The following DOCK3 variants were observed in gnomAD, a reference collection of about 807,000 sequenced individuals.
DOCK3 encodes dedicator of cytokinesis 3, also known as dedicator of cytokinesis protein 3.
A neutral mutation model predicts 265.6 loss-of-function variants in DOCK3; 60 were observed. The observed-to-expected ratio is 0.23, with a 90% CI of 0.18 to 0.28. DOCK3 has a LOEUF of 0.28. DOCK3 is among the 10% of genes least tolerant of loss of function. DOCK3 has a pLI of 1.00. For missense variants in DOCK3, 1,981 were observed against 2,594.3 expected, an observed-to-expected ratio of 0.76 and a Z score of 5.14; for synonymous variants, 881 against 938.0, an observed-to-expected ratio of 0.94 and a Z score of 1.11.
At chr3:51,182,431 G>T (rs2087353928) in intron 12 of DOCK3, among the ~76,000 whole-genome samples, 1 of 152,082 alleles carries the variant, frequency 6.6e-6, no homozygotes, top group Non-Finnish European at 1.5e-5. Context: ...TATTCCCTGG[G>T]GGTTTCCATC....
At chr3:51,250,288 TAAAA>T (rs1166026699) in intron 22 of DOCK3, among the ~76,000 whole-genome samples, 1 of 31,662 alleles carries the variant, frequency 3.2e-5, no homozygotes, top group Non-Finnish European at 9.2e-5. Context: ...AAAAAAAAAT[TAAAA>T]AAAATAATAA....
intron 5 of DOCK3, among the ~76,000 whole-genome samples, chr3:51,054,080 T>C (rs552919080): frequency 1.2e-4 from 17 of 139,436 alleles, no homozygotes; most frequent in Middle Eastern, 3.5e-3. Flanking sequence ...TAATTCTTGG[T>C]AAACTTCCTC....
At chr3:50,870,491 C>T (rs1279193193) in intron 3 of DOCK3, among the ~76,000 whole-genome samples, 2 of 152,024 alleles carry the variant, frequency 1.3e-5, no homozygotes, top group African/African-American at 2.4e-5. Flanking sequence ...TTTTAGTCCA[C>T]ATGTGCCTTT....
intron 9 of DOCK3, among the ~76,000 whole-genome samples, chr3:51,123,526 T>C (rs1245310967): frequency 6.6e-6 from 1 of 152,190 alleles, no homozygotes; most frequent in African/African-American, 2.4e-5. Context: ...TAAGGATACA[T>C]AGCTGGATCA....
chr3:51,241,668 G>A (rs1403025180), intron 21 of DOCK3, among the ~76,000 whole-genome samples: 2 of 152,034 alleles, frequency 1.3e-5, no homozygotes, highest in Non-Finnish European at 2.9e-5. Flanking sequence ...ATTTCAGAAG[G>A]CCAGTCTTCA....
At chr3:51,025,741 C>T (rs1205217083) in intron 5 of DOCK3, among the ~76,000 whole-genome samples, 1 of 152,200 alleles carries the variant, frequency 6.6e-6, no homozygotes, top group Non-Finnish European at 1.5e-5. Context: ...AGTCAGGAAT[C>T]ACTTCCCTTG....
At chr3:50,928,583 T>C (rs2050895944) in intron 4 of DOCK3, among the ~76,000 whole-genome samples, 1 of 152,240 alleles carries the variant, frequency 6.6e-6, no homozygotes, top group African/African-American at 2.4e-5. Flanking sequence ...AGTTTTCGTT[T>C]GCAAGTTTCC....
At chr3:50,677,445 C>G (rs902938521) in intron 1 of DOCK3, among the ~76,000 whole-genome samples, 5 of 152,154 alleles carry the variant, frequency 3.3e-5, no homozygotes, top group African/African-American at 1.2e-4. Context: ...GGCATTTTTG[C>G]TGCATCATTT....
At chr3:50,703,204 T>C (rs2036165286) in intron 1 of DOCK3, among the ~76,000 whole-genome samples, 1 of 152,232 alleles carries the variant, frequency 6.6e-6, no homozygotes, top group Non-Finnish European at 1.5e-5. Flanking sequence ...CACTTGATCA[T>C]GGTGTGTTAT....
intron 5 of DOCK3, among the ~76,000 whole-genome samples, chr3:50,961,379 G>C (rs2076881674): frequency 6.6e-6 from 1 of 152,166 alleles, no homozygotes. Context: ...AATGCAGTGA[G>C]AGGAATAGGA....
chr3:51,361,822 G>T lies in DOCK3; in HGVS notation c.5007-37G>T. The T allele has an allele frequency of 1.2e-6, 2 of 1,602,664 alleles. No individual in the cohort carries two copies. Among genetic ancestry groups the T allele is most frequent in the Non-Finnish European group, 1.7e-6 (2 of 1,174,158 alleles). ...TACTGTCCCCCTGCCACCTGCCATG[G>T]GCCTGACTCCTCCCTATTTCCCACT... On this transcript the variant is annotated intron_variant, in intron 47 of 52. Transcript: ENST00000266037. The surrounding 1 kb of genome is among the most constrained non-coding windows in gnomAD (Gnocchi z 4.2).
chr3:51,171,038 C>G (rs1029108783), intron 12 of DOCK3, among the ~76,000 whole-genome samples: 4 of 151,538 alleles, frequency 2.6e-5, no homozygotes, highest in Admixed American at 2.0e-4. Flanking sequence ...TTTCTCGTCT[C>G]TATTTCATTT....
intron 38 of DOCK3, among the ~76,000 whole-genome samples, chr3:51,343,868 T>C (rs1386746405): frequency 6.6e-6 from 1 of 152,198 alleles, no homozygotes; most frequent in Non-Finnish European, 1.5e-5. Context: ...TCTCCTGTAG[T>C]GAGGTGGTTC....
chr3:51,016,853 CATATATAAATATATATGATATATGTTTAT>C (rs1559946100), intron 5 of DOCK3, among the ~76,000 whole-genome samples: 3 of 1,836 alleles, frequency 1.6e-3, no homozygotes, highest in Admixed American at 7.6e-3. Context: ...TTATATATAT[CATATATAAATATATATGATATATGTTTAT>C]ATATATAAAT....
At chr3:50,919,470 A>G (rs979568192) in intron 4 of DOCK3, among the ~76,000 whole-genome samples, 1 of 152,140 alleles carries the variant, frequency 6.6e-6, no homozygotes, top group African/African-American at 2.4e-5. Context: ...GGTCCTTCAC[A>G]TCCCTTGTAA....
intron 5 of DOCK3, among the ~76,000 whole-genome samples, chr3:51,028,219 T>G (rs1282372857): frequency 6.6e-6 from 1 of 152,214 alleles, no homozygotes; most frequent in African/African-American, 2.4e-5. Flanking sequence ...TTGGCTGGCA[T>G]GTTTTTTCTT....
At chr3:51,135,129 C>T (rs1443973901) in intron 9 of DOCK3, among the ~76,000 whole-genome samples, 1 of 152,174 alleles carries the variant, frequency 6.6e-6, no homozygotes, top group Non-Finnish European at 1.5e-5. Context: ...TTTCTGTTCA[C>T]GTATGTGTTC....
intron 2 of DOCK3, among the ~76,000 whole-genome samples, chr3:50,831,190 TTTA>T (rs1559697303): frequency 7.8e-6 from 1 of 127,458 alleles, no homozygotes; most frequent in African/African-American, 2.9e-5. Context: ...ACCTGTTTTA[TTTA>T]TTTATTTATT....
At chr3:50,698,551 C>T (rs2035823014) in intron 1 of DOCK3, among the ~76,000 whole-genome samples, 1 of 8,600 alleles carries the variant, frequency 1.2e-4, no homozygotes, top group African/African-American at 2.0e-4. Context: ...TTGCTATATA[C>T]CCAGGTGTGG....
Sources: allele counts gnomAD v4.1 joint callset (sites outside exome capture counted in the v4.1 genomes callset), GRCh38; gene constraint gnomAD v4.1.1; non-coding constraint Gnocchi (gnomAD v3.1); transcripts MANE v1.5; gene names NCBI Gene and HGNC (gene_info 2026-07-23, HGNC 2026-07-21).